The following ZNF860 variants were observed in gnomAD, a reference collection of about 807,000 sequenced individuals.
The protein encoded by ZNF860 is zinc finger protein 860.
For missense variants in ZNF860, 641 were observed against 759.2 expected (o/e 0.84, Z 1.83); for synonymous variants, 206 against 248.9 (o/e 0.83, Z 1.62).
intron 1 of ZNF860, among the ~76,000 whole-genome samples, chr3:31,982,869 A>G (rs1213327813): frequency 6.6e-6 from 1 of 152,216 alleles, no homozygotes; most frequent in African/African-American, 2.4e-5. Flanking sequence ...CTTCCTCCAC[A>G]TGGACCTTAG....
the ZNF860 span, among the ~76,000 whole-genome samples, chr3:32,006,335 ATTTAC>A: frequency 6.6e-6 from 1 of 152,060 alleles, no homozygotes; most frequent in Non-Finnish European, 1.5e-5. Context: ...TTTCTGTTGG[ATTTAC>A]TTTAGATATT....
At chr3:31,997,972 T>C in the ZNF860 span, among the ~76,000 whole-genome samples, 1 of 151,992 alleles carries the variant, frequency 6.6e-6, no homozygotes, top group Non-Finnish European at 1.5e-5. Context: ...TTTTATTTTT[T>C]TGTAGAGACT....
chr3:32,004,787 A>G, the ZNF860 span, among the ~76,000 whole-genome samples: 2 of 152,222 alleles, frequency 1.3e-5, no homozygotes, highest in Non-Finnish European at 2.9e-5. Context: ...CTTAGCCTCT[A>G]AAACAATGCA....
At chr3:32,002,944 G>A in the ZNF860 span, among the ~76,000 whole-genome samples, 2 of 152,188 alleles carry the variant, frequency 1.3e-5, no homozygotes, top group Non-Finnish European at 1.5e-5. Context: ...AACACAGTGG[G>A]AGAAGCAACT....
chr3:32,000,465 C>T, the ZNF860 span, among the ~76,000 whole-genome samples: 86,220 of 151,812 alleles, frequency 0.57, 27,228 homozygotes, highest in African/African-American at 0.84. Context: ...ACCAGTGGGC[C>T]TCTGTGAGGG....
rs781595361 is a variant in ZNF860 at position 31,990,347 on chromosome 3, A to G, written c.1268A>G (p.Glu423Gly). Residue 423 changes from glutamate (E) to glycine (G), a missense_variant, in exon 2 of 2, where the codon GAG becomes GGG. By Grantham distance (98) the Glu-to-Gly change is moderately conservative. Transcript: ENST00000360311. ...IANHWRIHNE[E>G]RSYKCNKCGK... The stretch of plus-strand genomic sequence containing the variant: ...AATCATTGGAGAATCCATAATGAAG[A>G]GAGATCTTACAAGTGTAATAAATGT... The G allele has an allele frequency of 2.5e-6, 4 of 1,614,034 alleles. No individual in the cohort carries two copies. The African/African-American group carries it at 5.3e-5, about 22-fold the overall frequency.
In ZNF860 at chr3:31,990,553, C is replaced by A. The variant is rs375987596; in HGVS notation, c.1474C>A (p.Arg492Ser). ...GTGTAATGAGTGTGGCAAGACCTTC[C>A]GTCACAATTCAGCCCTTGTAATTCA... Reference protein sequence around the residue: ...YKCNECGKTFRHNSALVIHKA... With the variant: ...YKCNECGKTFSHNSALVIHKA... Residue 492 changes from arginine to serine, a missense_variant, in exon 2 of 2, where the codon CGT (arginine) becomes AGT (serine). By Grantham distance (110) the Arg-to-Ser change is moderately radical. Transcript: ENST00000360311. The A allele has an allele frequency of 2.6e-5, 41 of 1,604,320 alleles. No individual in the cohort carries two copies. The East Asian group carries it at 7.7e-4, about 30-fold the overall frequency.
chr3:31,988,799 G>A lies in ZNF860; in HGVS notation c.-281G>A, dbSNP rs1446989204. Reference sequence around the variant, plus strand: ...TTTTCTGAGACCTGCTAACAGCCATGTGAGTGACCTTGGAAGTAGGTTGTC... The same window carrying A: ...TTTTCTGAGACCTGCTAACAGCCATATGAGTGACCTTGGAAGTAGGTTGTC... On this transcript the variant is annotated 5_prime_UTR_variant, in exon 2 of 2. In the 5' UTR this introduces an upstream ATG that the reference lacks. Transcript: ENST00000360311. The A allele has an allele frequency of 4.1e-6, 2 of 484,816 alleles. No individual in the cohort carries two copies. The highest frequency in any genetic ancestry group is 7.4e-6 in the Non-Finnish European group (2 of 270,748). 30.0% of individuals were successfully genotyped at this position (484,816 alleles called of 1,614,324 possible).
At chr3:32,002,037 A>T in the ZNF860 span, among the ~76,000 whole-genome samples, 1 of 152,210 alleles carries the variant, frequency 6.6e-6, no homozygotes. Flanking sequence ...GTTAGGGTTC[A>T]AACCCAGCTC....
At chr3:31,984,438 G>A (rs760757783) in intron 1 of ZNF860, among the ~76,000 whole-genome samples, 12 of 151,866 alleles carry the variant, frequency 7.9e-5, no homozygotes, top group African/African-American at 2.4e-4. Flanking sequence ...ATAGAGAGTC[G>A]AAGTTTGTCT....
chr3:31,983,598 C>T (rs929936929), intron 1 of ZNF860, among the ~76,000 whole-genome samples: 2 of 152,158 alleles, frequency 1.3e-5, no homozygotes, highest in African/African-American at 4.8e-5. Flanking sequence ...AAAGTAGAGG[C>T]TATATCATGA....
rs1194195626 is a variant in ZNF860, at chr3:31,991,691, A to G, written c.*713A>G. 1 of 162,108 alleles carries G rather than the reference A, an allele frequency of 6.2e-6. No homozygotes were observed. Among genetic ancestry groups the G allele is most frequent in the African/African-American group, 2.4e-5 (1 of 41,420 alleles). 10.0% of individuals were successfully genotyped at this position (162,108 alleles called of 1,614,324 possible). ...CAGATCATGTCATCTACAAACAAAT[A>G]CAATTTTACTTCTTTCTTTCTGAAA... On this transcript the variant is annotated 3_prime_UTR_variant, in exon 2 of 2. Coordinates refer to ENST00000360311, the MANE Select transcript of ZNF860 (RefSeq NM_001137674.3).
chr3:32,005,827 C>T, the ZNF860 span, among the ~76,000 whole-genome samples: 1 of 152,214 alleles, frequency 6.6e-6, no homozygotes, highest in Non-Finnish European at 1.5e-5. Flanking sequence ...ACCTCGTGAT[C>T]CGCCCACCTC....
chr3:31,996,017 A>G (rs72854179), downstream of ZNF860, among the ~76,000 whole-genome samples: 1,440 of 152,274 alleles, frequency 9.5e-3, 27 homozygotes, highest in African/African-American at 0.032. Flanking sequence ...ATGAAACTCA[A>G]AAAAAGGAGA....
chr3:31,989,322 T>A lies in ZNF860; in HGVS notation c.243T>A (p.Asn81Lys). 6.2e-7 allele frequency: 1 copy of A among 1,614,182 alleles called. No individual in the cohort carries two copies. Among genetic ancestry groups the A allele is most frequent in the Non-Finnish European group, 8.5e-7 (1 of 1,180,034 alleles). ...AGTTCTCATCAACAGCGCAAGGCAATACAGAAGTGGACACAGGGACATTAG... is the reference window on the plus strand; with the variant it reads ...AGTTCTCATCAACAGCGCAAGGCAAAACAGAAGTGGACACAGGGACATTAG... ...MKKFSSTAQG[N>K]TEVDTGTLER... is the part of the protein sequence containing the mutation. The change falls in exon 2 of 2, where the codon AAT becomes AAA. Residue 81 changes from asparagine to lysine, a missense_variant. Transcript: ENST00000360311.
intron 1 of ZNF860, among the ~76,000 whole-genome samples, chr3:31,983,162 A>G (rs1698882639): frequency 1.3e-5 from 2 of 152,216 alleles, no homozygotes; most frequent in South Asian, 4.1e-4. Flanking sequence ...TTACCACAGC[A>G]TAGCTTTGCC....
intron 1 of ZNF860, among the ~76,000 whole-genome samples, chr3:31,983,879 G>A (rs914249736): frequency 1.3e-5 from 2 of 152,208 alleles, no homozygotes; most frequent in African/African-American, 4.8e-5. Flanking sequence ...ATGCCCAACA[G>A]TTTCATCTTG....
At position 31,988,904 on chromosome 3, in the gene ZNF860, C is replaced by A; in HGVS notation, c.-176C>A. ...AGAGAGACACTGAGCCAGGAACACC[C>A]AGCTGAAGTGCCTCCAAACCCCGAC... On this transcript the variant is annotated 5_prime_UTR_variant, in exon 2 of 2. Transcript: ENST00000360311. 1.3e-6 allele frequency: 1 copy of A among 748,172 alleles called. No homozygotes were observed. Among genetic ancestry groups the A allele is most frequent in the Non-Finnish European group, 2.1e-6 (1 of 465,886 alleles). The allele number at this position is 748,172 out of a possible 1,614,324, so 46.3% of individuals were successfully genotyped here. A position where few individuals can be genotyped will look rare whatever the true frequency, so the allele number is the denominator to read the frequency against.
chr3:32,000,631 C>G, the ZNF860 span, among the ~76,000 whole-genome samples: 1 of 152,216 alleles, frequency 6.6e-6, no homozygotes, highest in Non-Finnish European at 1.5e-5. Context: ...TTTGTCAGCC[C>G]TTCCTCGTGA....
Sources: allele counts gnomAD v4.1 joint callset (sites outside exome capture counted in the v4.1 genomes callset), GRCh38; gene constraint gnomAD v4.1.1; transcripts MANE v1.5; gene names NCBI Gene and HGNC (gene_info 2026-07-23, HGNC 2026-07-21).